The following MACROD2 variants were observed in gnomAD, a reference collection of about 807,000 sequenced individuals.
The protein encoded by MACROD2 is ADP-ribose glycohydrolase MACROD2.
A neutral mutation model predicts 70.4 loss-of-function variants in MACROD2; 36 were observed. The observed-to-expected ratio is 0.51, with a 90% CI of 0.39 to 0.68. The LOEUF is 0.68. Ranked by LOEUF, MACROD2 falls within the 30% of genes least tolerant of loss-of-function variation. MACROD2 has a pLI of 0.00. For missense variants in MACROD2, 496 were observed against 538.4 expected (o/e 0.92, Z 0.78); for synonymous variants, 172 against 178.8 (o/e 0.96, Z 0.30).
chr20:14,678,472 A>G (rs187916973), intron 4 of MACROD2, among the ~76,000 whole-genome samples: 6 of 152,126 alleles, frequency 3.9e-5, no homozygotes, highest in African/African-American at 1.2e-4. Context: ...TTCCTATAAT[A>G]TATATATTTT....
At chr20:14,692,303 T>C (rs2071074270) in intron 5 of MACROD2, among the ~76,000 whole-genome samples, 1 of 152,204 alleles carries the variant, frequency 6.6e-6, no homozygotes, top group African/African-American at 2.4e-5. Flanking sequence ...TTCTTTTGGC[T>C]TTACAACACA....
chr20:14,591,359 A>T (rs1981757303), intron 4 of MACROD2, among the ~76,000 whole-genome samples: 1 of 152,240 alleles, frequency 6.6e-6, no homozygotes, highest in South Asian at 2.1e-4. Context: ...AAATTATTAT[A>T]TATCAACTTT....
At chr20:15,042,407 T>C (rs140240139) in intron 5 of MACROD2, among the ~76,000 whole-genome samples, 18 of 152,308 alleles carry the variant, frequency 1.2e-4, no homozygotes, top group Non-Finnish European at 2.1e-4. Context: ...TCATTTCCAG[T>C]ATGCCCTCAC....
intron 6 of MACROD2, among the ~76,000 whole-genome samples, chr20:15,249,432 T>G (rs2077134731): frequency 6.6e-6 from 1 of 152,166 alleles, no homozygotes; most frequent in South Asian, 2.1e-4. Context: ...GCCAGAAAGA[T>G]TCACACACAC....
chr20:14,450,390 C>G (rs1037364060), intron 3 of MACROD2, among the ~76,000 whole-genome samples: 1 of 152,006 alleles, frequency 6.6e-6, no homozygotes, highest in Non-Finnish European at 1.5e-5. Flanking sequence ...ACACACTGAA[C>G]AAATAATGTG....
chr20:14,196,123 G>A (rs1234339659), intron 3 of MACROD2, among the ~76,000 whole-genome samples: 1 of 152,160 alleles, frequency 6.6e-6, no homozygotes, highest in Non-Finnish European at 1.5e-5. Context: ...GGGCACTGAA[G>A]AAATGAGCCA....
chr20:15,215,653 G>A (rs2076804113), intron 5 of MACROD2, among the ~76,000 whole-genome samples: 1 of 152,032 alleles, frequency 6.6e-6, no homozygotes, highest in Non-Finnish European at 1.5e-5. Flanking sequence ...CTAAGGGCTT[G>A]TTATTACCAA....
chr20:14,577,654 T>C (rs1034397890), intron 4 of MACROD2, among the ~76,000 whole-genome samples: 3 of 151,984 alleles, frequency 2.0e-5, no homozygotes, highest in African/African-American at 7.2e-5. Flanking sequence ...TGGTGGTGTG[T>C]GTCTGTAGTC....
rs2049965936 is a variant in MACROD2, at chr20:15,670,538, G to A, written c.645+170691G>A. 2.0e-5 allele frequency among the ~76,000 whole-genome samples: 3 copies of A among 152,198 alleles called. No homozygotes were observed. The South Asian group carries it at 6.2e-4, about 32-fold the overall frequency. Reference sequence around the variant, plus strand: ...AAAAACCTCCTGATTGCCTGTTGCTGTGGCATATCTTCACAAATTCATTTT... The same window carrying A: ...AAAAACCTCCTGATTGCCTGTTGCTATGGCATATCTTCACAAATTCATTTT... On this transcript the variant is annotated intron_variant, in intron 8 of 17. Transcript: ENST00000684519.
chr20:14,887,147 T>C (rs1382563876), intron 5 of MACROD2, among the ~76,000 whole-genome samples: 1 of 152,130 alleles, frequency 6.6e-6, no homozygotes, highest in African/African-American at 2.4e-5. Flanking sequence ...TGCATACATG[T>C]GTGCATGTGT....
At chr20:14,435,400 G>A (rs868354466) in intron 3 of MACROD2, among the ~76,000 whole-genome samples, 10 of 152,234 alleles carry the variant, frequency 6.6e-5, no homozygotes, top group Middle Eastern at 6.8e-3. Flanking sequence ...AAGTTTCCAG[G>A]CATTAGGATA....
intron 5 of MACROD2, among the ~76,000 whole-genome samples, chr20:14,709,560 A>G (rs1165480324): frequency 2.6e-5 from 4 of 152,176 alleles, no homozygotes; most frequent in Non-Finnish European, 4.4e-5. Context: ...TGAACCCATC[A>G]CAAAGTAGAA....
At chr20:14,681,109 A>G (rs2070926729) in intron 4 of MACROD2, among the ~76,000 whole-genome samples, 2 of 152,182 alleles carry the variant, frequency 1.3e-5, no homozygotes, top group South Asian at 4.1e-4. Flanking sequence ...AGAATTACCA[A>G]CATTAAAAAG....
intron 7 of MACROD2, among the ~76,000 whole-genome samples, chr20:15,460,095 A>G (rs2046787083): frequency 6.6e-6 from 1 of 152,082 alleles, no homozygotes; most frequent in Admixed American, 6.6e-5. Context: ...AAAAGACACG[A>G]CTATTGTTTC....
intron 3 of MACROD2, among the ~76,000 whole-genome samples, chr20:14,476,188 G>A (rs2084592347): frequency 6.6e-6 from 1 of 152,026 alleles, no homozygotes; most frequent in Non-Finnish European, 1.5e-5. Flanking sequence ...AAGTTTATTA[G>A]AATTAAACTG....
At chr20:15,140,769 C>A (rs1222197326) in intron 5 of MACROD2, among the ~76,000 whole-genome samples, 1 of 152,078 alleles carries the variant, frequency 6.6e-6, no homozygotes, top group Non-Finnish European at 1.5e-5. Flanking sequence ...AGAGTGCTCC[C>A]TTAGGGACCT....
intron 8 of MACROD2, among the ~76,000 whole-genome samples, chr20:15,777,566 C>CTTCCTTCT: frequency 1.1e-5 from 1 of 93,970 alleles, no homozygotes; most frequent in East Asian, 2.5e-4. Context: ...TCCTTCCTTC[C>CTTCCTTCT]TTCCTTCCTT....
chr20:15,512,376 T>C (rs558543505), intron 8 of MACROD2, among the ~76,000 whole-genome samples: 8 of 152,370 alleles, frequency 5.3e-5, no homozygotes, highest in Admixed American at 5.2e-4. Flanking sequence ...TTGATAGTAA[T>C]CATTGTCTCT....
intron 7 of MACROD2, among the ~76,000 whole-genome samples, chr20:15,451,097 A>G (rs1487349619): frequency 2.0e-5 from 3 of 152,138 alleles, no homozygotes; most frequent in Admixed American, 2.0e-4. Flanking sequence ...TGCAATAGCT[A>G]TCAATGTGAA....
Sources: gnomAD v4.1 joint callset for allele counts (sites outside exome capture counted in the v4.1 genomes callset) on GRCh38, gnomAD v4.1.1 for gene constraint, MANE v1.5 for transcripts, NCBI Gene and HGNC (gene_info 2026-07-23, HGNC 2026-07-21) for gene names.